The following ZFP91 variants were observed in gnomAD, a reference collection of about 807,000 sequenced individuals.
ZFP91 encodes E3 ubiquitin-protein ligase ZFP91.
A neutral mutation model predicts 63.5 loss-of-function variants in ZFP91; 7 were observed. That is an observed-to-expected ratio of 0.11 (90% CI 0.06 to 0.21). ZFP91 has a LOEUF of 0.21. Ranked by LOEUF, ZFP91 falls within the 10% of genes least tolerant of loss-of-function variation. ZFP91 has a pLI of 1.00. For missense variants in ZFP91, 628 were observed against 736.6 expected (o/e 0.85, Z 1.71); for synonymous variants, 330 against 272.1 (o/e 1.21, Z -2.10).
Position 58,621,008 on chromosome 11 carries a change from T to C in ZFP91, c.*3302T>C, listed in dbSNP as rs914040474. The C allele has an allele frequency of 3.3e-5, 5 of 152,634 alleles. No homozygotes were observed. Among genetic ancestry groups the C allele is most frequent in the Admixed American group, 6.5e-5 (1 of 15,270 alleles). The allele number at this position is 152,634 out of a possible 1,614,324, so 9.5% of individuals were successfully genotyped here. A position where few individuals can be genotyped will look rare whatever the true frequency, so the allele number is the denominator to read the frequency against. ...AGGTAAGGCATATTAAAAATAAATA[T>C]GTAAAGAAGAAAAATAAAAGTTGTC... is the stretch of plus-strand genomic sequence containing the variant. On this transcript the variant is annotated 3_prime_UTR_variant, in exon 11 of 11. Coordinates refer to ENST00000316059, the MANE Select transcript of ZFP91 (RefSeq NM_053023.5).
At chr11:58,581,451 C>G (rs1245142489) in intron 1 of ZFP91, among the ~76,000 whole-genome samples, 1 of 152,168 alleles carries the variant, frequency 6.6e-6, no homozygotes, top group Non-Finnish European at 1.5e-5. Flanking sequence ...ACCTCCGCCT[C>G]CTGGCTTCAA....
chr11:58,612,514 A>G (rs2275993), intron 7 of ZFP91, 186 bp downstream of exon 7: 149,013 of 642,746 alleles, frequency 0.23, 18,036 homozygotes, highest in Middle Eastern at 0.31. Context: ...TGAAATTTCT[A>G]ACAATCTTAA....
chr11:58,612,421 G>A, intron 7 of ZFP91, 93 bp downstream of exon 7: 1 of 1,326,166 alleles, frequency 7.5e-7, no homozygotes, highest in South Asian at 1.3e-5. Context: ...CTGCAGGAAT[G>A]GCTATTTAAA....
At chr11:58,609,707 T>C in intron 2 of ZFP91, 123 bp from the exon 3 acceptor site, 1 of 836,986 alleles carries the variant, frequency 1.2e-6, no homozygotes, top group Non-Finnish European at 1.8e-6. Flanking sequence ...AATTAAAGTC[T>C]TCAGTTTTTT....
intron 2 of ZFP91, among the ~76,000 whole-genome samples, chr11:58,608,078 T>C (rs569718173): frequency 5.8e-4 from 88 of 151,098 alleles, no homozygotes; most frequent in Non-Finnish European, 1.0e-3. Context: ...TATATATATA[T>C]ACACACACAC....
intron 8 of ZFP91, among the ~76,000 whole-genome samples, chr11:58,613,934 TC>T (rs1475609996): frequency 6.6e-6 from 1 of 152,162 alleles, no homozygotes; most frequent in Non-Finnish European, 1.5e-5. Flanking sequence ...TAATCTCTTA[TC>T]CCCATAACAA....
chr11:58,602,455 G>A (rs1305794556), intron 2 of ZFP91, among the ~76,000 whole-genome samples: 1 of 151,748 alleles, frequency 6.6e-6, no homozygotes, highest in Non-Finnish European at 1.5e-5. Context: ...AGAGAGATGG[G>A]GGGAGAGGGA....
rs1855786806 is a variant in ZFP91 at position 58,618,344 on chromosome 11, C to G, written c.*638C>G. ...CCTCCCCCTTCTTTGATCCCAGCAT[C>G]TCAGTCCCCCTCCCAACCCTCCATA... is the stretch of plus-strand genomic sequence containing the variant. On this transcript the variant is annotated 3_prime_UTR_variant, in exon 11 of 11. Transcript: ENST00000316059. 4.9e-6 allele frequency: 1 copy of G among 204,008 alleles called. No homozygotes were observed. The highest frequency in any genetic ancestry group is 2.0e-3 in the Middle Eastern group (1 of 492). The allele number at this position is 204,008 out of a possible 1,614,324, so 12.6% of individuals were successfully genotyped here.
intron 2 of ZFP91, among the ~76,000 whole-genome samples, chr11:58,607,643 T>A (rs1855590150): frequency 6.6e-6 from 1 of 152,176 alleles, no homozygotes; most frequent in African/African-American, 2.4e-5. Flanking sequence ...GTCATAAAAC[T>A]TTCAGTGTAA....
rs973294968 is a variant in ZFP91 at position 58,615,908 on chromosome 11, G to T, written c.1103-808G>T. Among the ~76,000 whole-genome samples, 136 of 152,342 alleles carry T rather than the reference G, an allele frequency of 8.9e-4. 2 individuals are homozygous for T. Among genetic ancestry groups the T allele is most frequent in the Non-Finnish European group, 7.5e-4 (51 of 68,020 alleles). On this transcript the variant is annotated intron_variant, in intron 9 of 10. Transcript: ENST00000316059. ...ATTTGAAGCAAAAGGAGTAGAAAAT[G>T]TAGTGGTCATTAATTCAACAAATAT...
intron 1 of ZFP91, among the ~76,000 whole-genome samples, chr11:58,583,374 G>A (rs1013585828): frequency 6.6e-6 from 1 of 152,036 alleles, no homozygotes; most frequent in Non-Finnish European, 1.5e-5. Flanking sequence ...TTATTTTCTA[G>A]TATGTGAAAT....
intron 2 of ZFP91, among the ~76,000 whole-genome samples, chr11:58,587,135 T>G (rs953065492): frequency 2.0e-5 from 3 of 152,178 alleles, no homozygotes; most frequent in African/African-American, 4.8e-5. Context: ...CTACATTCAT[T>G]TTTTTCAAAC....
Position 58,620,259 on chromosome 11 carries a change from G to A in ZFP91, c.*2553G>A, listed in dbSNP as rs545165704. 3.5e-4 allele frequency: 53 copies of A among 152,320 alleles called. No individual in the cohort carries two copies. The highest frequency in any genetic ancestry group is 6.5e-4 in the Non-Finnish European group (44 of 68,034). 9.4% of individuals were successfully genotyped at this position (152,320 alleles called of 1,614,324 possible). A position where few individuals can be genotyped will look rare whatever the true frequency, so the allele number is the denominator to read the frequency against. On this transcript the variant is annotated 3_prime_UTR_variant, in exon 11 of 11. Transcript: ENST00000316059. ...TGATAAAGGGATGCTGCATAGTAGA[G>A]TTGGTGTAATTAAACTATCTCAGCC... is the stretch of plus-strand genomic sequence containing the variant.
At chr11:58,597,557 TTTC>T (rs1173206461) in intron 2 of ZFP91, among the ~76,000 whole-genome samples, 2 of 152,186 alleles carry the variant, frequency 1.3e-5, no homozygotes, top group African/African-American at 4.8e-5. Context: ...CATTAAATTC[TTTC>T]TTCACCTTTC....
At position 58,618,575 on chromosome 11, in the gene ZFP91, GATT is replaced by G; in HGVS notation, c.*870_*872del. The G allele has an allele frequency of 2.5e-6, 1 of 396,322 alleles. No individual in the cohort carries two copies. Among genetic ancestry groups the G allele is most frequent in the South Asian group, 1.8e-5 (1 of 54,998 alleles). The allele number at this position is 396,322 out of a possible 1,614,324, so 24.6% of individuals were successfully genotyped here. A position where few individuals can be genotyped will look rare whatever the true frequency, so the allele number is the denominator to read the frequency against. On this transcript the variant is annotated 3_prime_UTR_variant, in exon 11 of 11. Coordinates refer to ENST00000316059, the MANE Select transcript of ZFP91 (RefSeq NM_053023.5). ...TTCCTTATTTATTAACAGGAAGTCT[GATT>G]TTTTTTTTTTGGAGTCTTTGTTGCT...
Position 58,619,194 on chromosome 11 carries a change from C to T in ZFP91, c.*1488C>T, listed in dbSNP as rs1855805279. 1 of 152,680 alleles carries T rather than the reference C, an allele frequency of 6.5e-6. No homozygotes were observed. The highest frequency in any genetic ancestry group is 2.4e-5 in the African/African-American group (1 of 41,432). 9.5% of individuals were successfully genotyped at this position (152,680 alleles called of 1,614,324 possible). A position where few individuals can be genotyped will look rare whatever the true frequency, so the allele number is the denominator to read the frequency against. On this transcript the variant is annotated 3_prime_UTR_variant, in exon 11 of 11. Transcript: ENST00000316059. ...ACTTCAATAGCCAAAGTTAATAATC[C>T]TATATAATAATTGCTTTGGCTTTCA...
chr11:58,582,545 G>A (rs370544449), intron 1 of ZFP91, among the ~76,000 whole-genome samples: 1 of 152,134 alleles, frequency 6.6e-6, no homozygotes, highest in Non-Finnish European at 1.5e-5. Flanking sequence ...AGTTTAAAAG[G>A]TCAAGAAATA....
rs1855027635 is a variant in ZFP91 at position 58,579,118 on chromosome 11, G to C, written c.-164G>C. The C allele has an allele frequency of 1.9e-6, 1 of 532,466 alleles. No homozygotes were observed. Among genetic ancestry groups the C allele is most frequent in the South Asian group, 4.3e-5 (1 of 23,462 alleles). The allele number at this position is 532,466 out of a possible 1,614,324, so 33.0% of individuals were successfully genotyped here. On this transcript the variant is annotated 5_prime_UTR_variant, in exon 1 of 11. Transcript: ENST00000316059. ...GCGGACCTTGAGTGGCAGGGGGTGGGGGGGGCGCCCTCGGAGCCGGGCGGA... is the reference window on the plus strand; with the variant it reads ...GCGGACCTTGAGTGGCAGGGGGTGGCGGGGGCGCCCTCGGAGCCGGGCGGA...
intron 2 of ZFP91, among the ~76,000 whole-genome samples, chr11:58,585,356 T>C (rs1227662367): frequency 2.0e-5 from 3 of 152,214 alleles, no homozygotes; most frequent in Non-Finnish European, 2.9e-5. Context: ...GTTTTCTGTT[T>C]TCCTGGATTA....
Sources: allele counts gnomAD v4.1 joint callset (sites outside exome capture counted in the v4.1 genomes callset), GRCh38; gene constraint gnomAD v4.1.1; transcripts MANE v1.5; gene names NCBI Gene and HGNC (gene_info 2026-07-23, HGNC 2026-07-21).